PPP1R15A: variants seen among roughly 807,000 people sequenced by gnomAD.
PPP1R15A encodes the protein protein phosphatase 1 regulatory subunit 15A.
A neutral mutation model predicts 48.5 loss-of-function variants in PPP1R15A; 43 were observed. The observed-to-expected ratio is 0.89, with a 90% CI of 0.69 to 1.14. PPP1R15A has a LOEUF of 1.14. PPP1R15A is among the 50% of genes most tolerant of loss of function. The pLI is 0.00. For missense variants in PPP1R15A, 868 were observed against 847.2 expected (o/e 1.02, Z -0.30); for synonymous variants, 327 against 327.4 (o/e 1.00, Z 0.01).
chr19:48,873,703 A>G lies in PPP1R15A; in HGVS notation c.470A>G (p.Asn157Ser), dbSNP rs1398598761. 1 of 1,613,978 alleles carries G rather than the reference A, an allele frequency of 6.2e-7. No individual in the cohort carries two copies. The highest frequency in any genetic ancestry group is 8.5e-7 in the Non-Finnish European group (1 of 1,179,978). ...AGGACACTGCAAGGTTCTGATAAGA[A>G]CCCAGGGGAGGAGAAAGCCGAGGAA... The part of the protein sequence containing the change: ...LIRTLQGSDK[N>S]PGEEKAEEEG... The change falls in exon 2 of 3, where the codon AAC becomes AGC. Residue 157 changes from asparagine (N) to serine (S), a missense_variant. By Grantham distance (46) the Asn-to-Ser change is conservative. Transcript: ENST00000200453.
chr19:48,872,451 T>A lies in PPP1R15A; in HGVS notation c.-210T>A, dbSNP rs1266683453. 2.2e-6 allele frequency: 1 copy of A among 456,452 alleles called. No individual in the cohort carries two copies. Among genetic ancestry groups the A allele is most frequent in the Non-Finnish European group, 4.4e-6 (1 of 226,796 alleles). 28.3% of individuals were successfully genotyped at this position (456,452 alleles called of 1,614,324 possible). On this transcript the variant is annotated 5_prime_UTR_variant, in exon 1 of 3. Transcript: ENST00000200453. ...TATCGGTTCCCATCCCAGTTGTTGA[T>A]CTTATGCAAGACGCTGCACGACCCC...
rs1231610258 is a variant in PPP1R15A, at chr19:48,874,142, G to T, written c.909G>T (p.Trp303Cys). The change falls in exon 2 of 3, where the codon TGG (tryptophan) becomes TGT (cysteine). Residue 303 changes from tryptophan to cysteine, a missense_variant. Trp to Cys is a radical substitution (Grantham distance 215). Transcript: ENST00000200453. ...PAQRPQLKSWWCQPSDEEEGE... is the reference protein window; with the variant it reads ...PAQRPQLKSWCCQPSDEEEGE... The stretch of plus-strand genomic sequence containing the variant: ...AGAGGCCCCAGCTCAAGTCCTGGTG[G>T]TGCCAACCCAGTGATGAAGAGGAGG... 1 of 1,614,216 alleles carries T rather than the reference G, an allele frequency of 6.2e-7. No homozygotes were observed. Among genetic ancestry groups the T allele is most frequent in the Admixed American group, 1.7e-5 (1 of 60,026 alleles).
rs1169383069 is a variant in PPP1R15A, at chr19:48,874,517, CTTGAAGGCCTGGGTG to C, written c.1286_1300del (p.Leu429_Val433del). The C allele has an allele frequency of 1.2e-6, 2 of 1,613,954 alleles. No homozygotes were observed. The highest frequency in any genetic ancestry group is 1.7e-6 in the Non-Finnish European group (2 of 1,179,932). Reference sequence around the variant, plus strand: ...CTTCCACACCCCCTGCAAGTGCTTTCTTGAAGGCCTGGGTGTATCGGCCAGGAGAGGACACGGAGG... The same window carrying C: ...CTTCCACACCCCCTGCAAGTGCTTTCTATCGGCCAGGAGAGGACACGGAGG... On this transcript the variant is annotated inframe_deletion, in exon 2 of 3. Coordinates refer to ENST00000200453, the MANE Select transcript of PPP1R15A (RefSeq NM_014330.5).
At position 48,875,940 on chromosome 19, in the gene PPP1R15A, G is replaced by A. The variant is rs186438232; in HGVS notation, c.1992G>A (p.Ala664=). 2.4e-5 allele frequency: 38 copies of A among 1,606,952 alleles called. No homozygotes were observed. In the African/African-American group the frequency reaches 3.6e-4, roughly 15 times the overall value. ...ATPSRSSAAA[A]AALDLSGRRG is the part of the protein sequence containing the mutation. Reference sequence around the variant, plus strand: ...CTTCCCGCTCGTCTGCTGCTGCAGCGGCTGCCCTGGACCTCAGTGGGAGGC... The same window carrying A: ...CTTCCCGCTCGTCTGCTGCTGCAGCAGCTGCCCTGGACCTCAGTGGGAGGC... Residue 664 remains alanine (A), a synonymous_variant, in exon 3 of 3, where the codon GCG becomes GCA. Coordinates refer to ENST00000200453, the MANE Select transcript of PPP1R15A (RefSeq NM_014330.5).
intron 2 of PPP1R15A, 33 bp downstream of exon 2, chr19:48,874,931 T>TC (rs1174893850): frequency 6.7e-7 from 1 of 1,488,420 alleles, no homozygotes; most frequent in East Asian, 2.3e-5. Context: ...CTATTTTTTT[T>TC]TTTTTTTTAA....
In PPP1R15A at chr19:48,875,743, G is replaced by A. The variant is rs2037075693; in HGVS notation, c.1795G>A (p.Ala599Thr). ...RSRFARRITQAQEELSPCLTP... is the reference protein window; with the variant it reads ...RSRFARRITQTQEELSPCLTP... ...CCGCTTCGCACGCCGCATCACCCAGGCCCAGGAGGAGCTGAGCCCCTGCCT... is the reference window on the plus strand; with the variant it reads ...CCGCTTCGCACGCCGCATCACCCAGACCCAGGAGGAGCTGAGCCCCTGCCT... Residue 599 changes from alanine to threonine, a missense_variant, in exon 3 of 3, where the codon GCC (alanine) becomes ACC (threonine). By Grantham distance (58) the Ala-to-Thr change is moderately conservative (BLOSUM62 0). Transcript: ENST00000200453. 6.2e-7 allele frequency: 1 copy of A among 1,613,562 alleles called. No homozygotes were observed. Among genetic ancestry groups the A allele is most frequent in the Non-Finnish European group, 8.5e-7 (1 of 1,179,794 alleles).
Position 48,873,907 on chromosome 19 carries a change from G to A in PPP1R15A, c.674G>A (p.Gly225Glu). The change falls in exon 2 of 3, where the codon GGG (glycine) becomes GAG (glutamate). Residue 225 changes from glycine to glutamate, a missense_variant. Transcript: ENST00000200453. ...CCCAGCACTTGGGTGTCTTGCCCAG[G>A]GGAGGAAGAGAATCAAGCCACGGAG... Reference protein sequence around the residue: ...SKPSTWVSCPGEEENQATEDK... With the variant: ...SKPSTWVSCPEEEENQATEDK... The A allele has an allele frequency of 6.2e-7, 1 of 1,614,192 alleles. No homozygotes were observed.
At position 48,875,669 on chromosome 19, in the gene PPP1R15A, C is replaced by T; in HGVS notation, c.1721C>T (p.Ala574Val). 6.2e-6 allele frequency: 10 copies of T among 1,610,382 alleles called. No individual in the cohort carries two copies. The highest frequency in any genetic ancestry group is 7.6e-6 in the Non-Finnish European group (9 of 1,178,924). The change falls in exon 3 of 3, where the codon GCC becomes GTC. Residue 574 changes from alanine (A) to valine (V), a missense_variant. Coordinates refer to ENST00000200453, the MANE Select transcript of PPP1R15A (RefSeq NM_014330.5). ...TTCCTGGCTGTCTGGGCAGGGCCGGCCCAGGCCGCCCGCCAGGGCCCCTGG... is the reference window on the plus strand; with the variant it reads ...TTCCTGGCTGTCTGGGCAGGGCCGGTCCAGGCCGCCCGCCAGGGCCCCTGG... Reference protein sequence around the residue: ...VHFLAVWAGPAQAARQGPWEQ... With the variant: ...VHFLAVWAGPVQAARQGPWEQ...
rs2037037447 is a variant in PPP1R15A, at chr19:48,873,624, G to A, written c.391G>A (p.Gly131Arg). The stretch of plus-strand genomic sequence containing the variant: ...GGCAACCAGTGTCCCTAGAGGGCAG[G>A]GAAGTCAATTTGCAGATGGCCAGCG... The part of the protein sequence containing the change: ...REATSVPRGQ[G>R]SQFADGQRAP... Residue 131 changes from glycine to arginine, a missense_variant, in exon 2 of 3, where the codon GGA becomes AGA. Coordinates refer to ENST00000200453, the MANE Select transcript of PPP1R15A (RefSeq NM_014330.5). 1 of 1,614,038 alleles carries A rather than the reference G, an allele frequency of 6.2e-7. No homozygotes were observed. The highest frequency in any genetic ancestry group is 1.1e-5 in the South Asian group (1 of 91,082).
At chr19:48,875,474 G>A (rs2037070421) in intron 2 of PPP1R15A, 140 bp from the exon 3 acceptor site, 2 of 1,140,570 alleles carry the variant, frequency 1.8e-6, no homozygotes, top group Admixed American at 2.7e-5. Context: ...ACAGTGACAG[G>A]CAAGTGACTA....
rs201432621 is a variant in PPP1R15A at position 48,874,768 on chromosome 19, A to G, written c.1535A>G (p.Tyr512Cys). ...CCCTGCCCCTTCCGAGTGGCCATCT[A>G]TGTACCTGGAGAGAAGCCACCGCCT... ...AEPCPFRVAI[Y>C]VPGEKPPPPW... Residue 512 changes from tyrosine to cysteine, a missense_variant, in exon 2 of 3, where the codon TAT (tyrosine) becomes TGT (cysteine). Physicochemically the swap from Tyr to Cys is radical, Grantham distance 194. Coordinates refer to ENST00000200453, the MANE Select transcript of PPP1R15A (RefSeq NM_014330.5). 19 of 1,613,854 alleles carry G rather than the reference A, an allele frequency of 1.2e-5. No individual in the cohort carries two copies. Among genetic ancestry groups the G allele is most frequent in the African/African-American group, 9.4e-5 (7 of 74,838 alleles).
rs765710268 is a variant in PPP1R15A at position 48,873,983 on chromosome 19, C to T, written c.750C>T (p.Pro250=). 3.7e-6 allele frequency: 6 copies of T among 1,614,136 alleles called. No homozygotes were observed. In the South Asian group the frequency reaches 6.6e-5, roughly 18 times the overall value. ...GAGCCAGGAAGACCTCCGTGTCCCC[C>T]CGATCTTCAGGCTCCGACCCCAGGT... is the stretch of plus-strand genomic sequence containing the variant. ...SKGARKTSVS[P]RSSGSDPRSW... The change falls in exon 2 of 3, where the codon CCC becomes CCT. Residue 250 remains proline (P), a synonymous_variant. Coordinates refer to ENST00000200453, the MANE Select transcript of PPP1R15A (RefSeq NM_014330.5).
In PPP1R15A at chr19:48,875,462, T is replaced by C. The variant is rs1455998937; in HGVS notation, c.1666-152T>C. 3 of 1,047,224 alleles carry C rather than the reference T, an allele frequency of 2.9e-6. No homozygotes were observed. The African/African-American group carries it at 4.9e-5, about 17-fold the overall frequency. 64.9% of individuals were successfully genotyped at this position (1,047,224 alleles called of 1,614,324 possible). On this transcript the variant is annotated intron_variant, in intron 2 of 2. Coordinates refer to ENST00000200453, the MANE Select transcript of PPP1R15A (RefSeq NM_014330.5). ...TGAGTCAGATAGATAGAGAATCCCG[T>C]GACAGTGACAGGCAAGTGACTAGCC... is the stretch of plus-strand genomic sequence containing the variant.
At chr19:48,874,940 A>G (rs780174342) in intron 2 of PPP1R15A, 42 bp downstream of exon 2, 1 of 1,392,914 alleles carries the variant, frequency 7.2e-7, no homozygotes. Context: ...TTTTTTTTTT[A>G]ATTGAGTTGG....
At chr19:48,875,510 A>G (rs1599955721) in intron 2 of PPP1R15A, 104 bp from the exon 3 acceptor site, 1 of 1,408,020 alleles carries the variant, frequency 7.1e-7, no homozygotes, top group Non-Finnish European at 9.5e-7. Context: ...TTTTTGTGTA[A>G]TAACTAATTT....
At chr19:48,875,119 G>C in intron 2 of PPP1R15A, 1 of 496,560 alleles carries the variant, frequency 2.0e-6, no homozygotes, top group Non-Finnish European at 3.3e-6. Context: ...TAGTAGAGAC[G>C]GGGGTTTTGC....
rs35087747 is a variant in PPP1R15A at position 48,874,661 on chromosome 19, G to C, written c.1428G>C (p.Arg476Ser). Residue 476 changes from arginine (R) to serine (S), a missense_variant, in exon 2 of 3, where the codon AGG (arginine) becomes AGC (serine). Arg to Ser is a moderately radical substitution (Grantham distance 110, BLOSUM62 -1). Transcript: ENST00000200453. ...CACATCCCTCCCACCCGGACCAGAGGGCCCACTTCAGGGGCTGGGGATATC... is the reference window on the plus strand; with the variant it reads ...CACATCCCTCCCACCCGGACCAGAGCGCCCACTTCAGGGGCTGGGGATATC... ...SDPHPSHPDQ[R>S]AHFRGWGYRP... The C allele has an allele frequency of 4.3e-6, 7 of 1,613,858 alleles. No individual in the cohort carries two copies. Among genetic ancestry groups the C allele is most frequent in the Non-Finnish European group, 5.9e-6 (7 of 1,179,980 alleles).
At position 48,875,736 on chromosome 19, in the gene PPP1R15A, C is replaced by T. The variant is rs577024195; in HGVS notation, c.1788C>T (p.Ile596=). The part of the protein sequence containing the change: ...ARDRSRFARR[I]TQAQEELSPC... ...ATCGCAGCCGCTTCGCACGCCGCATCACCCAGGCCCAGGAGGAGCTGAGCC... is the reference window on the plus strand; with the variant it reads ...ATCGCAGCCGCTTCGCACGCCGCATTACCCAGGCCCAGGAGGAGCTGAGCC... Residue 596 remains isoleucine (I), a synonymous_variant, in exon 3 of 3, where the codon ATC becomes ATT. Transcript: ENST00000200453. The T allele has an allele frequency of 3.7e-6, 6 of 1,613,400 alleles. No individual in the cohort carries two copies. The highest frequency in any genetic ancestry group is 3.3e-5 in the South Asian group (3 of 91,050).
At position 48,873,317 on chromosome 19, in the gene PPP1R15A, CCTCAGCCG is replaced by C. The variant is rs1268191617; in HGVS notation, c.86_93del (p.Leu29ArgfsTer34). ...TCCTCCTGTCCCCAGTGATGGGCCTCCTCAGCCGCGCCTGGAGCCGCCTGAGGGGCCTG... is the reference window on the plus strand; with the variant it reads ...TCCTCCTGTCCCCAGTGATGGGCCTCCGCCTGGAGCCGCCTGAGGGGCCTG... On this transcript the variant is annotated frameshift_variant, in exon 2 of 3. Transcript: ENST00000200453. LOFTEE classifies it high-confidence loss of function. 2 of 1,608,092 alleles carry C rather than the reference CCTCAGCCG, an allele frequency of 1.2e-6. No homozygotes were observed. Among genetic ancestry groups the C allele is most frequent in the Admixed American group, 3.4e-5 (2 of 58,060 alleles).
Sources: gnomAD v4.1 joint callset for allele counts on GRCh38, gnomAD v4.1.1 for gene constraint, MANE v1.5 for transcripts, NCBI Gene and HGNC (gene_info 2026-07-23, HGNC 2026-07-21) for gene names.